Variants in PLPPR1 observed in about 807,000 individuals in gnomAD.
The protein encoded by PLPPR1 is phospholipid phosphatase related 1.
Under a neutral mutation model 33.1 loss-of-function variants are expected in PLPPR1, and 10 were observed. That is an observed-to-expected ratio of 0.30 (90% CI 0.19 to 0.51). The LOEUF (loss-of-function observed/expected upper bound fraction) is 0.51. PLPPR1 is among the 20% of genes least tolerant of loss of function. PLPPR1 has a pLI of 0.97. For missense variants in PLPPR1, 304 were observed against 408.1 expected (o/e 0.74, Z 2.20); for synonymous variants, 151 against 151.0 (o/e 1.00, Z 0.00).
At chr9:101,066,946 G>A (rs1320488790) in intron 1 of PLPPR1, among the ~76,000 whole-genome samples, 1 of 151,984 alleles carries the variant, frequency 6.6e-6, no homozygotes, top group East Asian at 1.9e-4. Flanking sequence ...GAGCTACTCT[G>A]AGCTAGACAT....
chr9:101,206,362 T>A (rs895589614), intron 2 of PLPPR1, among the ~76,000 whole-genome samples: 1 of 152,194 alleles, frequency 6.6e-6, no homozygotes, highest in Non-Finnish European at 1.5e-5. Context: ...AGTTCTCCTT[T>A]GAGTACAGAT....
chr9:101,145,641 A>G (rs1191141829), intron 1 of PLPPR1, among the ~76,000 whole-genome samples: 1 of 152,090 alleles, frequency 6.6e-6, no homozygotes, highest in African/African-American at 2.4e-5. Flanking sequence ...TCAGCCTCCC[A>G]AAGTGCTGGG....
At chr9:101,174,468 G>T (rs540954348) in intron 1 of PLPPR1, among the ~76,000 whole-genome samples, 2 of 152,120 alleles carry the variant, frequency 1.3e-5, no homozygotes, top group African/African-American at 4.8e-5. Context: ...TGACATCAAG[G>T]CTGGGCAGAA....
chr9:101,190,731 C>T (rs1464413940), intron 2 of PLPPR1, among the ~76,000 whole-genome samples: 5 of 152,054 alleles, frequency 3.3e-5, no homozygotes, highest in African/African-American at 4.8e-5. Flanking sequence ...TTATGGGGAC[C>T]ACAAGTCAGG....
intron 6 of PLPPR1, among the ~76,000 whole-genome samples, chr9:101,314,085 A>T (rs1174541117): frequency 6.6e-6 from 1 of 152,204 alleles, no homozygotes; most frequent in Non-Finnish European, 1.5e-5. Context: ...AGAAAAATTT[A>T]TGATGAATCA....
At chr9:101,265,821 C>T (rs1827980946) in intron 2 of PLPPR1, among the ~76,000 whole-genome samples, 1 of 151,528 alleles carries the variant, frequency 6.6e-6, no homozygotes, top group African/African-American at 2.4e-5. Context: ...ATAGTGAAAC[C>T]CCGTCTCTAC....
intron 1 of PLPPR1, chr9:101,131,764 G>T (rs774070321): frequency 6.6e-6 from 1 of 152,194 alleles, no homozygotes; most frequent in Non-Finnish European, 1.5e-5. Context: ...GAAGAACTTC[G>T]CTTTGAAAGA....
chr9:101,289,129 C>T (rs951227083), intron 4 of PLPPR1, among the ~76,000 whole-genome samples: 50 of 152,290 alleles, frequency 3.3e-4, no homozygotes, highest in African/African-American at 1.2e-3. Context: ...GACACCTTGC[C>T]TCAGTACCTG....
At chr9:101,052,780 C>G (rs914283894) in intron 1 of PLPPR1, among the ~76,000 whole-genome samples, 4 of 152,142 alleles carry the variant, frequency 2.6e-5, no homozygotes, top group African/African-American at 9.7e-5. Flanking sequence ...AAAGAGATTC[C>G]ACTTTTTAAT....
chr9:101,166,936 C>G (rs1198083341), intron 1 of PLPPR1, among the ~76,000 whole-genome samples: 1 of 151,042 alleles, frequency 6.6e-6, no homozygotes, highest in Non-Finnish European at 1.5e-5. Context: ...ACTTCTTTTT[C>G]CTGTCTCCTG....
At chr9:101,071,839 G>A (rs185156415) in intron 1 of PLPPR1, among the ~76,000 whole-genome samples, 15 of 152,154 alleles carry the variant, frequency 9.9e-5, no homozygotes, top group Non-Finnish European at 1.8e-4. Context: ...TAGAGCCCAG[G>A]GTAGGGTGTG....
intron 1 of PLPPR1, among the ~76,000 whole-genome samples, chr9:101,169,962 T>C (rs1825916850): frequency 6.6e-6 from 1 of 151,670 alleles, no homozygotes; most frequent in Non-Finnish European, 1.5e-5. Flanking sequence ...TATTGTTGAG[T>C]TCTTTCAAGA....
rs552477591 is a variant in PLPPR1 at position 101,119,547 on chromosome 9, T to C, written c.-45-65903T>C. 2.6e-5 allele frequency among the ~76,000 whole-genome samples: 4 copies of C among 152,320 alleles called. No individual in the cohort carries two copies. The South Asian group carries it at 8.3e-4, about 32-fold the overall frequency. The stretch of plus-strand genomic sequence containing the variant: ...CAGCAATCAAGAAGAACCAATAGAT[T>C]CTTCGGAGAAAGATCAGGCTGTAGA... On this transcript the variant is annotated intron_variant, in intron 1 of 7. Coordinates refer to ENST00000374874, the MANE Select transcript of PLPPR1 (RefSeq NM_207299.2).
At chr9:101,317,219 C>A (rs10125731) in intron 6 of PLPPR1, 146 bp from the exon 7 acceptor site, 3 of 795,502 alleles carry the variant, frequency 3.8e-6, no homozygotes, top group Non-Finnish European at 6.0e-6. Context: ...GTTTCCACAG[C>A]ACTTCCCATA....
intron 2 of PLPPR1, among the ~76,000 whole-genome samples, chr9:101,257,600 A>T (rs1936192703): frequency 6.6e-6 from 1 of 152,152 alleles, no homozygotes; most frequent in Admixed American, 6.6e-5. Context: ...CAGGAGCTTT[A>T]GTGTTCATCT....
intron 2 of PLPPR1, among the ~76,000 whole-genome samples, chr9:101,237,640 TATAC>T (rs1300131632): frequency 2.3e-5 from 3 of 130,126 alleles, no homozygotes; most frequent in African/African-American, 2.7e-5. Flanking sequence ...CATATATATA[TATAC>T]ACACACACAC....
At chr9:101,292,011 C>CA (rs1828519355) in intron 4 of PLPPR1, among the ~76,000 whole-genome samples, 1 of 151,938 alleles carries the variant, frequency 6.6e-6, no homozygotes, top group South Asian at 2.1e-4. Flanking sequence ...GGAGGAAATT[C>CA]AAATCAAAGG....
intron 1 of PLPPR1, among the ~76,000 whole-genome samples, chr9:101,078,772 A>G (rs1830580928): frequency 6.6e-6 from 1 of 152,058 alleles, no homozygotes; most frequent in Non-Finnish European, 1.5e-5. Flanking sequence ...GCTCTCCTCT[A>G]TCTTCATTCC....
chr9:101,254,665 T>C (rs1182228973), intron 2 of PLPPR1, among the ~76,000 whole-genome samples: 1 of 152,132 alleles, frequency 6.6e-6, no homozygotes. Context: ...AAGGACTGAA[T>C]GAATGTGTGT....
Sources: gnomAD v4.1 joint callset for allele counts (sites outside exome capture counted in the v4.1 genomes callset) on GRCh38, gnomAD v4.1.1 for gene constraint, MANE v1.5 for transcripts, NCBI Gene and HGNC (gene_info 2026-07-23, HGNC 2026-07-21) for gene names.